PANK2: variants seen among roughly 807,000 people sequenced by gnomAD.
PANK2 encodes pantothenate kinase 2, mitochondrial.
In PANK2, 36 loss-of-function variants were observed where a neutral mutation model predicts 43.1. The observed-to-expected ratio is 0.84, with a 90% CI of 0.64 to 1.10. The LOEUF is 1.10. PANK2 is among the 50% of genes least tolerant of loss of function. The pLI is 0.00. For missense variants in PANK2, 576 were observed against 593.3 expected, an observed-to-expected ratio of 0.97 and a Z score of 0.30; for synonymous variants, 281 against 238.2, an observed-to-expected ratio of 1.18 and a Z score of -1.66.
At chr20:3,896,762 G>T (rs1488398169) in intron 1 of PANK2, among the ~76,000 whole-genome samples, 1 of 152,172 alleles carries the variant, frequency 6.6e-6, no homozygotes, top group African/African-American at 2.4e-5. Flanking sequence ...GTGCCCGAGA[G>T]CACAGAAGTT....
chr20:3,917,424 A>G (rs2090579443), intron 5 of PANK2: 2 of 534,992 alleles, frequency 3.7e-6, no homozygotes, highest in Admixed American at 1.9e-5. Context: ...GAAGTCACGG[A>G]AGCTGGGAGA....
intron 1 of PANK2, among the ~76,000 whole-genome samples, chr20:3,903,014 CACA>C (rs1218745913): frequency 4.1e-5 from 6 of 147,176 alleles, no homozygotes; most frequent in Admixed American, 6.8e-5. Context: ...CACACACACA[CACA>C]CCCCTTTTAC....
rs1012947103 is a variant in PANK2 at position 3,912,505 on chromosome 20, G to A, written c.953G>A (p.Cys318Tyr). The A allele has an allele frequency of 9.3e-6, 15 of 1,614,062 alleles. No homozygotes were observed. Among genetic ancestry groups the A allele is most frequent in the African/African-American group, 1.3e-5 (1 of 74,918 alleles). Residue 318 changes from cysteine to tyrosine, a missense_variant, in exon 4 of 7, where the codon TGT becomes TAT. Physicochemically the swap from Cys to Tyr is radical, Grantham distance 194 (BLOSUM62 -2). Transcript: ENST00000610179. ...GGTCTCTGCTGTCTTCTTACTGGCT[G>A]TACCACTTTTGAAGAAGCTCTTGAA...
At chr20:3,902,733 C>G (rs1169884416) in intron 1 of PANK2, among the ~76,000 whole-genome samples, 1 of 151,722 alleles carries the variant, frequency 6.6e-6, no homozygotes, top group Non-Finnish European at 1.5e-5. Context: ...GTTCCATTTT[C>G]TCTATATTGA....
At chr20:3,912,428 T>C (rs762332990) in intron 3 of PANK2, 30 bp from the exon 4 acceptor site, 2 of 1,607,984 alleles carry the variant, frequency 1.2e-6, no homozygotes, top group South Asian at 2.2e-5. Context: ...AAAAATGTTA[T>C]AATACTGTGT....
rs1341337858 is a variant in PANK2, at chr20:3,925,197, A to C, written c.*1903A>C. 1 of 152,308 alleles carries C rather than the reference A, an allele frequency of 6.6e-6. No individual in the cohort carries two copies. The highest frequency in any genetic ancestry group is 2.4e-5 in the African/African-American group (1 of 41,426). 9.4% of individuals were successfully genotyped at this position (152,308 alleles called of 1,614,324 possible). A position where few individuals can be genotyped will look rare whatever the true frequency, so the allele number is the denominator to read the frequency against. Reference sequence around the variant, plus strand: ...CCCCCTACTCTAGAGAAACTAGTCCATTCCCTCATGTTCCACCTTGTGCTC... The same window carrying C: ...CCCCCTACTCTAGAGAAACTAGTCCCTTCCCTCATGTTCCACCTTGTGCTC... On this transcript the variant is annotated 3_prime_UTR_variant, in exon 7 of 7. Transcript: ENST00000610179.
chr20:3,896,229 ATTT>A (rs35978823), intron 1 of PANK2, among the ~76,000 whole-genome samples: 1,189 of 111,936 alleles, frequency 0.011, 17 homozygotes, highest in African/African-American at 0.033. Context: ...CGCCTGGCTA[ATTT>A]TTTTTTTTTT....
At chr20:3,898,692 C>G (rs1447415586) in intron 1 of PANK2, among the ~76,000 whole-genome samples, 2 of 151,942 alleles carry the variant, frequency 1.3e-5, no homozygotes, top group Admixed American at 6.6e-5. Flanking sequence ...AGATTTATTT[C>G]TTTGTTTGTT....
At chr20:3,922,211 ATATCT>A (rs1473738084) in intron 6 of PANK2, among the ~76,000 whole-genome samples, 1 of 152,172 alleles carries the variant, frequency 6.6e-6, no homozygotes, top group Non-Finnish European at 1.5e-5. Context: ...AAGTAGTCTG[ATATCT>A]TACCTTACAG....
chr20:3,895,204 G>T (rs895335883), intron 1 of PANK2, among the ~76,000 whole-genome samples: 5 of 152,108 alleles, frequency 3.3e-5, no homozygotes, highest in Non-Finnish European at 7.3e-5. Flanking sequence ...AACCCAGGAG[G>T]TGGAAGTTGC....
intron 4 of PANK2, among the ~76,000 whole-genome samples, chr20:3,915,045 A>G (rs1004541334): frequency 4.2e-4 from 64 of 152,222 alleles, no homozygotes; most frequent in Non-Finnish European, 1.0e-4. Flanking sequence ...TATTAGATAC[A>G]TAATTCGCAA....
chr20:3,890,299 C>T (rs879798904), intron 1 of PANK2, among the ~76,000 whole-genome samples: 4 of 152,166 alleles, frequency 2.6e-5, no homozygotes, highest in African/African-American at 7.2e-5. Flanking sequence ...ATATCCCCTC[C>T]GTTTTCCTTC....
chr20:3,892,487 C>T (rs1273823450), intron 1 of PANK2, among the ~76,000 whole-genome samples: 1 of 151,782 alleles, frequency 6.6e-6, no homozygotes, highest in Admixed American at 6.6e-5. Context: ...ATGGTGCCAC[C>T]TTTCTGGTGA....
At chr20:3,898,451 C>T (rs377225099) in intron 1 of PANK2, among the ~76,000 whole-genome samples, 1 of 152,138 alleles carries the variant, frequency 6.6e-6, no homozygotes, top group Admixed American at 6.6e-5. Flanking sequence ...CCACTCGCCT[C>T]GGCCTCCCAA....
At chr20:3,900,551 T>G (rs1419050902) in intron 1 of PANK2, among the ~76,000 whole-genome samples, 1 of 151,994 alleles carries the variant, frequency 6.6e-6, no homozygotes, top group Non-Finnish European at 1.5e-5. Flanking sequence ...CCTCATGGTG[T>G]GACTCCATTG....
At chr20:3,894,699 C>T (rs1159044614) in intron 1 of PANK2, among the ~76,000 whole-genome samples, 1 of 152,120 alleles carries the variant, frequency 6.6e-6, no homozygotes, top group African/African-American at 2.4e-5. Context: ...CTGCCTCAGC[C>T]TCCTGAGTAG....
Position 3,925,981 on chromosome 20 carries a change from G to GA in PANK2, c.*2689dup, listed in dbSNP as rs751112673. 3.9e-5 allele frequency: 6 copies of GA among 152,454 alleles called. No homozygotes were observed. In the East Asian group the frequency reaches 7.7e-4, roughly 20 times the overall value. 9.4% of individuals were successfully genotyped at this position (152,454 alleles called of 1,614,324 possible). ...CAGTCTGCCCTCCACTAGTGGCCAT[G>GA]AAGGGGGCTGTGACCGTGGTCCAGG... On this transcript the variant is annotated 3_prime_UTR_variant, in exon 7 of 7. Coordinates refer to ENST00000610179, the MANE Select transcript of PANK2 (RefSeq NM_001386393.1).
chr20:3,914,951 C>G (rs747380760), intron 4 of PANK2, among the ~76,000 whole-genome samples: 20 of 152,184 alleles, frequency 1.3e-4, no homozygotes, highest in Admixed American at 6.5e-5. Context: ...TGTCTGTAGT[C>G]TTTGGATAAA....
At chr20:3,907,142 C>T (rs550834699) in intron 1 of PANK2, among the ~76,000 whole-genome samples, 4 of 119,616 alleles carry the variant, frequency 3.3e-5, no homozygotes, top group Non-Finnish European at 6.4e-5. Flanking sequence ...CTCACTCTGT[C>T]GCCCAGGCTG....
Sources: gnomAD v4.1 joint callset for allele counts (sites outside exome capture counted in the v4.1 genomes callset) on GRCh38, gnomAD v4.1.1 for gene constraint, MANE v1.5 for transcripts, NCBI Gene and HGNC (gene_info 2026-07-23, HGNC 2026-07-21) for gene names.